The following ASPH variants were observed in gnomAD, a reference collection of about 807,000 sequenced individuals.
ASPH encodes aspartyl/asparaginyl beta-hydroxylase.
A neutral mutation model predicts 118.4 loss-of-function variants in ASPH; 100 were observed. The observed-to-expected ratio is 0.84, with a 90% CI of 0.72 to 1.00. ASPH has a LOEUF of 1.00. Ranked by LOEUF, ASPH falls within the 50% of genes least tolerant of loss-of-function variation. The pLI is 0.00. For missense variants in ASPH, 920 were observed against 919.5 expected (o/e 1.00, Z -0.01); for synonymous variants, 315 against 325.6 (o/e 0.97, Z 0.35).
At chr8:61,592,721 A>G (rs914255720) in intron 14 of ASPH, among the ~76,000 whole-genome samples, 1 of 152,220 alleles carries the variant, frequency 6.6e-6, no homozygotes, top group African/African-American at 2.4e-5. Flanking sequence ...CCTTACTGCA[A>G]TATTATTCAT....
At chr8:61,532,074 G>A (rs1461637604) in intron 21 of ASPH, among the ~76,000 whole-genome samples, 2 of 152,136 alleles carry the variant, frequency 1.3e-5, no homozygotes, top group African/African-American at 2.4e-5. Flanking sequence ...CTGTTGAATT[G>A]TATAATAATT....
At chr8:61,556,753 T>C (rs1254216103) in intron 18 of ASPH, among the ~76,000 whole-genome samples, 2 of 152,206 alleles carry the variant, frequency 1.3e-5, no homozygotes, top group South Asian at 2.1e-4. Context: ...AACTAATTTA[T>C]GGAACAAAAG....
chr8:61,712,312 A>C (rs563241796), intron 1 of ASPH, among the ~76,000 whole-genome samples: 20 of 152,370 alleles, frequency 1.3e-4, no homozygotes, highest in African/African-American at 4.8e-4. Context: ...CCTACTATAC[A>C]CGACACTGTA....
At chr8:61,567,573 G>A (rs185994551) in intron 16 of ASPH, among the ~76,000 whole-genome samples, 66 of 152,288 alleles carry the variant, frequency 4.3e-4, no homozygotes, top group Admixed American at 2.1e-3. Context: ...ACACGCTGGG[G>A]CTGATGGAGA....
intron 13 of ASPH, chr8:61,624,537 G>C (rs1438549635): frequency 1.0e-5 from 10 of 966,762 alleles, no homozygotes; most frequent in Non-Finnish European, 1.2e-5. Flanking sequence ...TGACAATATA[G>C]AGAATTCTTC....
In ASPH at chr8:61,501,341, C is replaced by A. The variant is rs1461884978; in HGVS notation, c.*2018G>T. 1 of 152,140 alleles carries A rather than the reference C, an allele frequency of 6.6e-6. No individual in the cohort carries two copies. Among genetic ancestry groups the A allele is most frequent in the Non-Finnish European group, 1.5e-5 (1 of 68,000 alleles). 9.4% of individuals were successfully genotyped at this position (152,140 alleles called of 1,614,324 possible). Reference sequence around the variant, plus strand: ...ACACTTTGCAACAGTAATACCATTTCTAGCTTTTCAATTGGCAATACTTAG... The same window carrying A: ...ACACTTTGCAACAGTAATACCATTTATAGCTTTTCAATTGGCAATACTTAG... On this transcript the variant is annotated 3_prime_UTR_variant, in exon 25 of 25. Coordinates refer to ENST00000379454, the MANE Select transcript of ASPH (RefSeq NM_004318.4).
intron 1 of ASPH, among the ~76,000 whole-genome samples, chr8:61,695,028 A>T (rs1311713754): frequency 6.6e-6 from 1 of 152,228 alleles, no homozygotes; most frequent in Admixed American, 6.5e-5. Flanking sequence ...AACGAGGCCA[A>T]GATATGGATT....
At chr8:61,656,902 C>A (rs1198966844) in intron 3 of ASPH, 2 of 152,126 alleles carry the variant, frequency 1.3e-5, no homozygotes, top group South Asian at 2.1e-4. Context: ...CAATATATTT[C>A]TTTCCATAAA....
chr8:61,597,207 A>AC (rs1214680266), intron 14 of ASPH, among the ~76,000 whole-genome samples: 2 of 150,774 alleles, frequency 1.3e-5, no homozygotes, highest in Admixed American at 6.6e-5. Context: ...AAAAAAAAAA[A>AC]AAAAAAAACA....
chr8:61,536,450 T>C (rs987450131), intron 21 of ASPH, among the ~76,000 whole-genome samples: 8 of 152,224 alleles, frequency 5.3e-5, no homozygotes, highest in Admixed American at 1.3e-4. Context: ...ACTTGTGTTT[T>C]GGCAGACACT....
At chr8:61,568,000 G>A (rs1443606048) in intron 16 of ASPH, among the ~76,000 whole-genome samples, 1 of 152,140 alleles carries the variant, frequency 6.6e-6, no homozygotes, top group African/African-American at 2.4e-5. Flanking sequence ...CAAGAGCAAA[G>A]GCTTGGAGGT....
At chr8:61,646,979 CT>C in intron 5 of ASPH, 101 bp from the exon 6 acceptor site, 1 of 1,506,734 alleles carries the variant, frequency 6.6e-7, no homozygotes, top group East Asian at 2.3e-5. Flanking sequence ...GGGGCTTCCC[CT>C]GCCCCTCCTT....
At chr8:61,545,598 C>G (rs1823548809) in intron 21 of ASPH, among the ~76,000 whole-genome samples, 1 of 152,120 alleles carries the variant, frequency 6.6e-6, no homozygotes, top group Non-Finnish European at 1.5e-5. Flanking sequence ...AGCAGTTAAA[C>G]CACAGTGGAG....
chr8:61,535,269 A>G (rs191793351), intron 21 of ASPH, among the ~76,000 whole-genome samples: 1 of 152,386 alleles, frequency 6.6e-6, no homozygotes, highest in Non-Finnish European at 1.5e-5. Flanking sequence ...AAAAGCAAAC[A>G]GCAGATGGAA....
intron 24 of ASPH, among the ~76,000 whole-genome samples, chr8:61,504,626 T>G (rs1805722808): frequency 6.6e-6 from 1 of 152,160 alleles, no homozygotes; most frequent in Admixed American, 6.5e-5. Context: ...GGCTGTTCCA[T>G]GCACTATGAG....
intron 24 of ASPH, among the ~76,000 whole-genome samples, chr8:61,507,506 T>C (rs979266672): frequency 1.3e-5 from 2 of 152,294 alleles, no homozygotes; most frequent in East Asian, 1.9e-4. Context: ...AAAAATGGTG[T>C]CTTTCAATCA....
intron 14 of ASPH, among the ~76,000 whole-genome samples, chr8:61,606,197 T>C (rs1198869727): frequency 6.6e-6 from 1 of 152,166 alleles, no homozygotes. Flanking sequence ...GCCCAGAAAT[T>C]AAATGCTCAC....
chr8:61,683,610 G>A (rs940365350), intron 2 of ASPH: 2 of 155,926 alleles, frequency 1.3e-5, no homozygotes, highest in Admixed American at 6.2e-5. Context: ...ACAGAAGGGT[G>A]TACTTTGAAA....
chr8:61,597,755 T>C (rs1842870164), intron 14 of ASPH, among the ~76,000 whole-genome samples: 1 of 151,904 alleles, frequency 6.6e-6, no homozygotes, highest in Non-Finnish European at 1.5e-5. Context: ...AGAAAAAAAA[T>C]TGCCAGCTAA....
Sources: allele counts gnomAD v4.1 joint callset (sites outside exome capture counted in the v4.1 genomes callset), GRCh38; gene constraint gnomAD v4.1.1; transcripts MANE v1.5; gene names NCBI Gene and HGNC (gene_info 2026-07-23, HGNC 2026-07-21).